CADPS: variants seen among roughly 807,000 people sequenced by gnomAD.
CADPS encodes calcium-dependent secretion activator 1.
In CADPS, 57 loss-of-function variants were observed where a neutral mutation model predicts 167.3. The observed-to-expected ratio is 0.34, with a 90% CI of 0.28 to 0.42. The LOEUF (loss-of-function observed/expected upper bound fraction) is 0.42, where lower values mean the gene tolerates loss of function less well. Ranked by LOEUF, CADPS falls within the 20% of genes least tolerant of loss-of-function variation. The probability of loss-of-function intolerance (pLI) is 1.00; values close to 1 mark genes in which losing one functional copy is unlikely to be tolerated. For synonymous variants in CADPS, 676 were observed against 635.3 expected, an observed-to-expected ratio of 1.06 and a Z score of -0.96; for missense variants, 1,414 against 1,738.1, an observed-to-expected ratio of 0.81 and a Z score of 3.32.
intron 1 of CADPS, among the ~76,000 whole-genome samples, chr3:62,868,130 A>G (rs1240376969): frequency 6.6e-6 from 1 of 152,082 alleles, no homozygotes; most frequent in Non-Finnish European, 1.5e-5. Context: ...AAAAGTAATA[A>G]TTTTGATCAT....
At chr3:62,589,073 T>C (rs1445437313) in intron 7 of CADPS, among the ~76,000 whole-genome samples, 2 of 17,918 alleles carry the variant, frequency 1.1e-4, no homozygotes, top group South Asian at 2.9e-3. Context: ...GTGCATGAAT[T>C]TTTTTTTAAT....
At chr3:62,469,849 T>C (rs1449497900) in intron 24 of CADPS, among the ~76,000 whole-genome samples, 3 of 152,184 alleles carry the variant, frequency 2.0e-5, no homozygotes, top group Non-Finnish European at 2.9e-5. Flanking sequence ...TACTCCAAAA[T>C]TATATCCTGA....
intron 1 of CADPS, among the ~76,000 whole-genome samples, chr3:62,845,920 T>C (rs1020395872): frequency 6.6e-6 from 1 of 152,188 alleles, no homozygotes; most frequent in Non-Finnish European, 1.5e-5. Flanking sequence ...TGTTGAATTG[T>C]AATCCCTAAT....
chr3:62,588,833 G>C (rs2085260523), intron 7 of CADPS, among the ~76,000 whole-genome samples: 1 of 152,070 alleles, frequency 6.6e-6, no homozygotes, highest in Non-Finnish European at 1.5e-5. Flanking sequence ...AATGATTTCA[G>C]GCACCATGTA....
intron 1 of CADPS, among the ~76,000 whole-genome samples, chr3:62,799,559 T>A (rs1056067073): frequency 6.6e-6 from 1 of 152,204 alleles, no homozygotes; most frequent in African/African-American, 2.4e-5. Flanking sequence ...ATGTTAGGAT[T>A]ACAGGCACAA....
intron 3 of CADPS, among the ~76,000 whole-genome samples, chr3:62,706,412 G>A (rs532260539): frequency 1.5e-4 from 23 of 152,106 alleles, no homozygotes; most frequent in African/African-American, 5.3e-4. Context: ...TTTACCACTC[G>A]TGAAGGTGGA....
rs539341880 is a variant in CADPS, at chr3:62,604,424, A to G, written c.1326-11676T>C. ...AATGACTTCCAAGCTCTTCACATGC[A>G]GGACTGGGGACTGGAAGTCCGGCTG... On this transcript the variant is annotated intron_variant, in intron 6 of 29. Transcript: ENST00000383710. Among the ~76,000 whole-genome samples, 3 of 152,318 alleles carry G rather than the reference A, an allele frequency of 2.0e-5. No homozygotes were observed. The South Asian group carries it at 6.2e-4, about 32-fold the overall frequency.
intron 3 of CADPS, among the ~76,000 whole-genome samples, chr3:62,671,166 T>C (rs970906754): frequency 2.6e-5 from 4 of 152,184 alleles, no homozygotes; most frequent in African/African-American, 9.7e-5. Context: ...ATGGTACTCA[T>C]AAAGCACTTA....
intron 1 of CADPS, among the ~76,000 whole-genome samples, chr3:62,851,160 ATG>A (rs1486956306): frequency 2.2e-5 from 3 of 134,568 alleles, no homozygotes; most frequent in Non-Finnish European, 3.2e-5. Context: ...TTTTGAGCCT[ATG>A]TGTGTCTCTG....
chr3:62,816,577 T>TAGA (rs2094624528), intron 1 of CADPS, among the ~76,000 whole-genome samples: 1 of 151,834 alleles, frequency 6.6e-6, no homozygotes, highest in Admixed American at 6.6e-5. Context: ...GATGGTAACT[T>TAGA]TAAATATCTA....
chr3:62,628,354 G>A (rs2064528434), intron 6 of CADPS, among the ~76,000 whole-genome samples: 2 of 152,094 alleles, frequency 1.3e-5, no homozygotes, highest in Non-Finnish European at 2.9e-5. Flanking sequence ...GCTTATAAAA[G>A]TACAAGAGAA....
intron 1 of CADPS, among the ~76,000 whole-genome samples, chr3:62,818,297 A>G (rs192276496): frequency 6.6e-6 from 1 of 152,248 alleles, no homozygotes; most frequent in East Asian, 1.9e-4. Context: ...CTGTATCAAA[A>G]TCTCAGGGGA....
At chr3:62,576,788 T>TAAAAAAAAAAAAAAAAAAAA (rs138055445) in intron 8 of CADPS, among the ~76,000 whole-genome samples, 7 of 29,860 alleles carry the variant, frequency 2.3e-4, no homozygotes, top group Admixed American at 1.1e-3. Flanking sequence ...AGACTCTGTC[T>TAAAAAAAAAAAAAAAAAAAA]AAAAAAAAAA....
At chr3:62,790,913 C>T (rs1365801496) in intron 1 of CADPS, among the ~76,000 whole-genome samples, 3 of 150,802 alleles carry the variant, frequency 2.0e-5, no homozygotes, top group Admixed American at 1.3e-4. Flanking sequence ...AGTTCTGATG[C>T]TTTTGTTACC....
intron 1 of CADPS, among the ~76,000 whole-genome samples, chr3:62,844,336 A>G (rs561240260): frequency 2.3e-4 from 35 of 152,312 alleles, no homozygotes; most frequent in South Asian, 1.7e-3. Flanking sequence ...CTGGTTGAGA[A>G]CAAGAATTCA....
At chr3:62,415,130 G>A (rs1405285154) in intron 28 of CADPS, among the ~76,000 whole-genome samples, 2 of 133,698 alleles carry the variant, frequency 1.5e-5, no homozygotes, top group Non-Finnish European at 1.6e-5. Flanking sequence ...TTCTCTACAC[G>A]CACACGTACG....
chr3:62,517,910 C>G (rs1439148999), intron 14 of CADPS, among the ~76,000 whole-genome samples: 1 of 152,076 alleles, frequency 6.6e-6, no homozygotes, highest in Non-Finnish European at 1.5e-5. Context: ...AGATTGTTGA[C>G]CAGGGTCAGC....
intron 28 of CADPS, among the ~76,000 whole-genome samples, chr3:62,407,358 T>C (rs1708908934): frequency 6.6e-6 from 1 of 152,150 alleles, no homozygotes; most frequent in Non-Finnish European, 1.5e-5. Context: ...GTTGTAAAGT[T>C]TTTTCTGGTA....
At chr3:62,550,579 TCTGATTCAGTACGTCCGGAACAGAG>T (rs1361122770) in intron 10 of CADPS, among the ~76,000 whole-genome samples, 1 of 152,182 alleles carries the variant, frequency 6.6e-6, no homozygotes, top group African/African-American at 2.4e-5. Context: ...AAATGCAGCT[TCTGATTCAGTACGTCCGGAACAGAG>T]CTTGAGGTGC....
Sources: allele counts gnomAD v4.1 joint callset (sites outside exome capture counted in the v4.1 genomes callset), GRCh38; gene constraint gnomAD v4.1.1; transcripts MANE v1.5; gene names NCBI Gene and HGNC (gene_info 2026-07-23, HGNC 2026-07-21).